The following PGAP6 variants were observed in gnomAD, a reference collection of about 807,000 sequenced individuals.
The protein encoded by PGAP6 is post-GPI attachment to proteins 6, also known as post-GPI attachment to proteins factor 6.
A neutral mutation model predicts 68.4 loss-of-function variants in PGAP6; 62 were observed. That is an observed-to-expected ratio of 0.91 (90% CI 0.74 to 1.12). The LOEUF is 1.12. Among genes scored for constraint, PGAP6 ranks in the 50% most tolerant of loss-of-function variants. The probability of loss-of-function intolerance (pLI) is 0.00; values close to 1 mark genes in which losing one functional copy is unlikely to be tolerated. For missense variants in PGAP6, 1,188 were observed against 1,068.5 expected (o/e 1.11, Z -1.56); for synonymous variants, 575 against 474.0 (o/e 1.21, Z -2.77).
At chr16:382,736 C>T (rs1435281096), upstream of PGAP6, among the ~76,000 whole-genome samples, 1 of 116,046 alleles carries the variant, frequency 8.6e-6, no homozygotes, top group Non-Finnish European at 1.8e-5. Context: ...AGTTCCGCCG[C>T]GTCGTGGGTG....
At chr16:385,611 T>C (rs1228194328), upstream of PGAP6, among the ~76,000 whole-genome samples, 3 of 141,808 alleles carry the variant, frequency 2.1e-5, 1 homozygote, top group South Asian at 2.4e-4. Flanking sequence ...GCGCCCGGCC[T>C]ACTCTGATTT....
Position 377,557 on chromosome 16 carries a change from T to C in PGAP6, c.328A>G (p.Ile110Val), listed in dbSNP as rs1327823649. Residue 110 changes from isoleucine (I) to valine (V), a missense_variant, in exon 3 of 13, where the codon ATC (isoleucine) becomes GTC (valine). Coordinates refer to ENST00000431232, the MANE Select transcript of PGAP6 (RefSeq NM_021259.3). ...VHFRSGAPPV[I>V]NPLGTSFPDD... ...GGGAAGCTGGTGCCCAGCGGGTTGATGACCGGAGGGGCGCCGGAACGGAAG... is the reference window on the plus strand; with the variant it reads ...GGGAAGCTGGTGCCCAGCGGGTTGACGACCGGAGGGGCGCCGGAACGGAAG... 2 of 1,585,078 alleles carry C rather than the reference T, an allele frequency of 1.3e-6. No homozygotes were observed. The highest frequency in any genetic ancestry group is 1.7e-6 in the Non-Finnish European group (2 of 1,166,376).
intron 1 of PGAP6, among the ~76,000 whole-genome samples, chr16:378,597 T>A (rs914492896): frequency 1.3e-5 from 2 of 151,864 alleles, no homozygotes; most frequent in Non-Finnish European, 2.9e-5. Flanking sequence ...CCAGCAGGTG[T>A]CAGGAAGGAG....
chr16:382,244 C>T (rs1041355367), upstream of PGAP6: 5 of 393,512 alleles, frequency 1.3e-5, no homozygotes, highest in Non-Finnish European at 1.8e-5. Context: ...GGAAATTCTC[C>T]CCGAGGCGTG....
intron 1 of PGAP6, among the ~76,000 whole-genome samples, chr16:380,333 A>G (rs1276421679): frequency 4.0e-5 from 6 of 151,300 alleles, no homozygotes; most frequent in African/African-American, 9.7e-5. Context: ...GCAGGCTTAC[A>G]TTACCACACC....
intron 11 of PGAP6, among the ~76,000 whole-genome samples, chr16:373,686 T>G (rs918349825): frequency 6.6e-6 from 1 of 152,222 alleles, no homozygotes; most frequent in African/African-American, 2.4e-5. Context: ...ACCACAGGCA[T>G]GTACCACTAC....
In PGAP6 at chr16:376,671, G is replaced by A. The variant is rs775412127; in HGVS notation, c.777C>T (p.Thr259=). 23 of 1,610,378 alleles carry A rather than the reference G, an allele frequency of 1.4e-5. No homozygotes were observed. Among genetic ancestry groups the A allele is most frequent in the Middle Eastern group, 3.6e-4 (2 of 5,628 alleles). ...GCAGGCGGCAGGGCCAGGGGGCACC[G>A]GTGCAGGTGAGCACCTTCTGGAAGT... ...PSNFQKVLTC[T]GAPWPCRLLL... is the part of the protein sequence containing the mutation. Residue 259 remains threonine, a synonymous_variant, in exon 5 of 13, where the codon ACC becomes ACT. Coordinates refer to ENST00000431232, the MANE Select transcript of PGAP6 (RefSeq NM_021259.3).
chr16:386,728 A>AAC (rs1567329307), upstream of PGAP6: 1 of 90,354 alleles, frequency 1.1e-5, no homozygotes, highest in Non-Finnish European at 1.8e-5. Context: ...AAAAAAACCA[A>AAC]AAAAAAAAAA....
upstream of PGAP6, among the ~76,000 whole-genome samples, chr16:385,863 A>AT (rs2054481335): frequency 2.0e-5 from 3 of 151,780 alleles, no homozygotes; most frequent in South Asian, 6.2e-4. Flanking sequence ...TGACCTCGTG[A>AT]TCTGCCCATC....
At chr16:372,847 T>G in intron 11 of PGAP6, 120 bp from the exon 12 acceptor site, 1 of 671,844 alleles carries the variant, frequency 1.5e-6, no homozygotes, top group Non-Finnish European at 2.5e-6. Flanking sequence ...GCTGCCACCC[T>G]CAGACCAGCT....
intron 7 of PGAP6, 24 bp downstream of exon 7, chr16:375,321 G>C (rs2054372286): frequency 6.2e-7 from 1 of 1,612,728 alleles, no homozygotes; most frequent in Non-Finnish European, 8.5e-7. Context: ...GGGCCACGCT[G>C]ACGGTGACGC....
chr16:370,806 T>C lies in PGAP6; in HGVS notation c.*1181A>G, dbSNP rs2054324736. 1 of 153,998 alleles carries C rather than the reference T, an allele frequency of 6.5e-6. No homozygotes were observed. The highest frequency in any genetic ancestry group is 6.6e-5 in the Admixed American group (1 of 15,262). 9.5% of individuals were successfully genotyped at this position (153,998 alleles called of 1,614,324 possible). A position where few individuals can be genotyped will look rare whatever the true frequency, so the allele number is the denominator to read the frequency against. On this transcript the variant is annotated 3_prime_UTR_variant, in exon 13 of 13. Transcript: ENST00000431232. ...AAACTCGTTTAGTTTGAAAAATCAATGTAGAATATTAAATTCACCAAACAC... is the reference window on the plus strand; with the variant it reads ...AAACTCGTTTAGTTTGAAAAATCAACGTAGAATATTAAATTCACCAAACAC...
At chr16:376,938 C>T in intron 4 of PGAP6, 99 bp downstream of exon 4, 1 of 1,564,820 alleles carries the variant, frequency 6.4e-7, no homozygotes, top group South Asian at 1.2e-5. Context: ...ACTTCCCAGC[C>T]CAACCCCAGG....
chr16:386,934 C>A (rs777407070), upstream of PGAP6: 1 of 585,498 alleles, frequency 1.7e-6, no homozygotes, highest in Non-Finnish European at 3.3e-6. Flanking sequence ...CCGGAGGCGG[C>A]CTGAATATCC....
intron 4 of PGAP6, 46 bp from the exon 5 acceptor site, chr16:376,858 C>T: frequency 4.4e-6 from 7 of 1,594,410 alleles, no homozygotes; most frequent in Non-Finnish European, 5.9e-6. Context: ...CATTCCTCAG[C>T]CCAGGGACGC....
At position 379,556 on chromosome 16, in the gene PGAP6, G is replaced by A. The variant is rs180889208; in HGVS notation, c.122-1708C>T. Among the ~76,000 whole-genome samples the A allele has an allele frequency of 3.5e-4, 54 of 152,358 alleles. No individual in the cohort carries two copies. In the East Asian group the frequency reaches 9.7e-3, roughly 27 times the overall value. On this transcript the variant is annotated intron_variant, in intron 1 of 12. Coordinates refer to ENST00000431232, the MANE Select transcript of PGAP6 (RefSeq NM_021259.3). The stretch of plus-strand genomic sequence containing the variant: ...CCCCCCAGGACCACGGTGTCCCGGA[G>A]AAAGCCGGCCTCTGCGGGGGCAGGC...
In PGAP6 at chr16:375,210, C is replaced by T. The variant is rs565227749; in HGVS notation, c.1362G>A (p.Arg454=). The part of the protein sequence containing the change: ...YPLSLSAWSR[R]ANLIIPYPET... ...CTGGGTAGGGGATGATGAGGTTGGCCCTGCGAGACCAGGCGCTCAGAGACA... is the reference window on the plus strand; with the variant it reads ...CTGGGTAGGGGATGATGAGGTTGGCTCTGCGAGACCAGGCGCTCAGAGACA... Residue 454 remains arginine, a synonymous_variant, in exon 8 of 13, where the codon AGG becomes AGA. Transcript: ENST00000431232. 5.6e-6 allele frequency: 9 copies of T among 1,613,322 alleles called. No homozygotes were observed. The highest frequency in any genetic ancestry group is 1.3e-5 in the African/African-American group (1 of 75,018).
chr16:373,863 C>A, intron 11 of PGAP6, 142 bp downstream of exon 11: 1 of 1,059,544 alleles, frequency 9.4e-7, no homozygotes, highest in East Asian at 2.6e-5. Flanking sequence ...AGGTGTGAGC[C>A]ACCATGCTCG....
rs373171599 is a variant in PGAP6 at position 377,523 on chromosome 16, G to A, written c.362C>T (p.Thr121Ile). 3 of 1,595,006 alleles carry A rather than the reference G, an allele frequency of 1.9e-6. No homozygotes were observed. The highest frequency in any genetic ancestry group is 1.1e-5 in the South Asian group (1 of 88,478). The change falls in exon 3 of 13, where the codon ACC becomes ATC. Residue 121 changes from threonine to isoleucine, a missense_variant. Transcript: ENST00000431232. ...NPLGTSFPDD[T>I]AVQPSFQVGV... The stretch of plus-strand genomic sequence containing the variant: ...GACCTGGAAGGAGGGCTGTACCGCG[G>A]TGTCGTCCGGGAAGCTGGTGCCCAG...
Sources: gnomAD v4.1 joint callset for allele counts (sites outside exome capture counted in the v4.1 genomes callset) on GRCh38, gnomAD v4.1.1 for gene constraint, MANE v1.5 for transcripts, NCBI Gene and HGNC (gene_info 2026-07-23, HGNC 2026-07-21) for gene names.